Variants in NEXMIF observed in about 807,000 individuals in gnomAD.
The protein encoded by NEXMIF is neurite extension and migration factor.
A neutral mutation model predicts 62.1 loss-of-function variants in NEXMIF; 8 were observed. The observed-to-expected ratio is 0.13, with a 90% CI of 0.08 to 0.23. NEXMIF has a LOEUF of 0.23. NEXMIF is among the 10% of genes least tolerant of loss of function. The pLI is 1.00. For synonymous variants in NEXMIF, 404 were observed against 416.6 expected (o/e 0.97, Z 0.37); for missense variants, 976 against 1,113.3 (o/e 0.88, Z 1.75).
Position 74,892,714 on chromosome X carries a change from G to A in NEXMIF, c.-48+32169C>T, listed in dbSNP as rs529634482. On this transcript the variant is annotated intron_variant, in intron 1 of 3. Coordinates refer to ENST00000055682, the MANE Select transcript of NEXMIF (RefSeq NM_001008537.3). ...ATTTTAATGACAATAAATGTTGCAT[G>A]GGCACCATGAAGTGAGAAACATCAC... Among the ~76,000 whole-genome samples, 8 of 112,105 alleles carry A rather than the reference G, an allele frequency of 7.1e-5. No individual in the cohort carries two copies. The South Asian group carries it at 3.0e-3, about 42-fold the overall frequency.
intron 1 of NEXMIF, among the ~76,000 whole-genome samples, chrX:74,882,789 A>AAG (rs2080671395): frequency 8.9e-6 from 1 of 112,310 alleles, no homozygotes; most frequent in African/African-American, 3.2e-5. Flanking sequence ...GACAGCTTTG[A>AAG]AGAGAGTAGT....
chrX:74,740,839 C>T lies in NEXMIF; in HGVS notation c.3718G>A (p.Gly1240Ser), dbSNP rs1446465234. ...AAINGEKMQI[G>S]IGRGGSQTNT... ...GTTTGGCTTCCCCCACGGCCAATGC[C>T]AATTTGCATTTTCTCTCCATTGATG... Residue 1240 changes from glycine to serine, a missense_variant, in exon 3 of 4, where the codon GGC (glycine) becomes AGC (serine). This residue lies in a region of NEXMIF where 639 missense variants were observed against 694.5 expected (regional missense o/e 0.92). Transcript: ENST00000055682. 21 of 1,212,147 alleles carry T rather than the reference C, an allele frequency of 1.7e-5. No individual in the cohort carries two copies. Among genetic ancestry groups the T allele is most frequent in the Non-Finnish European group, 2.2e-5 (20 of 895,586 alleles).
At chrX:74,896,026 G>A (rs956443635) in intron 1 of NEXMIF, among the ~76,000 whole-genome samples, 1 of 111,053 alleles carries the variant, frequency 9.0e-6, no homozygotes, top group African/African-American at 3.3e-5. Context: ...GTTCAAATAA[G>A]TAAAAGCCTG....
At chrX:74,860,110 T>C (rs1408786088) in intron 1 of NEXMIF, among the ~76,000 whole-genome samples, 1 of 111,068 alleles carries the variant, frequency 9.0e-6, no homozygotes, top group African/African-American at 3.3e-5. Context: ...AATAAATTTT[T>C]AAAAAGGCCC....
At chrX:74,907,490 T>C (rs2080773228) in intron 1 of NEXMIF, among the ~76,000 whole-genome samples, 2 of 110,178 alleles carry the variant, frequency 1.8e-5, no homozygotes, top group South Asian at 7.9e-4. Context: ...ACTTAATTCC[T>C]CCACCTGGAA....
chrX:74,871,062 C>T (rs948894663), intron 1 of NEXMIF, among the ~76,000 whole-genome samples: 1 of 112,076 alleles, frequency 8.9e-6, no homozygotes, highest in East Asian at 2.8e-4. Context: ...GATTTGGATG[C>T]AACCTACCTG....
At chrX:74,793,420 AT>A (rs1385164311) in intron 1 of NEXMIF, among the ~76,000 whole-genome samples, 2 of 107,958 alleles carry the variant, frequency 1.9e-5, no homozygotes, top group Admixed American at 2.0e-4. Context: ...TTTTTCCTTC[AT>A]TTCAACTTTG....
intron 1 of NEXMIF, among the ~76,000 whole-genome samples, chrX:74,800,794 C>T (rs2080327411): frequency 9.1e-6 from 1 of 110,305 alleles, no homozygotes; most frequent in African/African-American, 3.3e-5. Flanking sequence ...TTCTTTTCCC[C>T]CACCCCAAAC....
intron 1 of NEXMIF, among the ~76,000 whole-genome samples, chrX:74,751,838 C>G (rs1264749150): frequency 1.0e-4 from 10 of 97,814 alleles, no homozygotes; most frequent in African/African-American, 3.7e-4. Flanking sequence ...TCCTTCCCTT[C>G]CTTCCCTCCT....
rs937978034 is a variant in NEXMIF, at chrX:74,735,346, A to T, written c.*4059T>A. Reference sequence around the variant, plus strand: ...CTGAGAGCATCTGTAAGCTGAAGACATGTTGGATCTACATCACACTGGTCC... The same window carrying T: ...CTGAGAGCATCTGTAAGCTGAAGACTTGTTGGATCTACATCACACTGGTCC... On this transcript the variant is annotated 3_prime_UTR_variant, in exon 4 of 4. Coordinates refer to ENST00000055682, the MANE Select transcript of NEXMIF (RefSeq NM_001008537.3). 9 of 111,846 alleles carry T rather than the reference A, an allele frequency of 8.0e-5. No individual in the cohort carries two copies. 9.2% of individuals were successfully genotyped at this position (111,846 alleles called of 1,213,427 possible).
In NEXMIF at chrX:74,890,302, A is replaced by G. The variant is rs367845783; in HGVS notation, c.-48+34581T>C. 7.2e-5 allele frequency among the ~76,000 whole-genome samples: 8 copies of G among 111,150 alleles called. No individual in the cohort carries two copies. In the East Asian group the frequency reaches 8.5e-4, roughly 12 times the overall value. Reference sequence around the variant, plus strand: ...GACAGTATTAAAACTGAATACCTATATACCTTTATTAATTAGGTACAACTT... The same window carrying G: ...GACAGTATTAAAACTGAATACCTATGTACCTTTATTAATTAGGTACAACTT... On this transcript the variant is annotated intron_variant, in intron 1 of 3. Transcript: ENST00000055682.
chrX:74,765,141 G>A (rs911548883), intron 1 of NEXMIF, among the ~76,000 whole-genome samples: 1 of 111,640 alleles, frequency 9.0e-6, no homozygotes, highest in African/African-American at 3.3e-5. Flanking sequence ...TACTAGTTAG[G>A]ACTTCTCGTT....
At chrX:74,919,629 TTTA>T (rs1299541794) in intron 1 of NEXMIF, among the ~76,000 whole-genome samples, 1 of 110,974 alleles carries the variant, frequency 9.0e-6, no homozygotes, top group Non-Finnish European at 1.9e-5. Flanking sequence ...GTTCTTTTTT[TTTA>T]TTATTATTAT....
chrX:74,849,420 G>A (rs1035151370), intron 1 of NEXMIF, among the ~76,000 whole-genome samples: 2 of 112,260 alleles, frequency 1.8e-5, no homozygotes, highest in Non-Finnish European at 3.8e-5. Context: ...CCTTCAAAGA[G>A]CCCATCCACC....
intron 1 of NEXMIF, among the ~76,000 whole-genome samples, chrX:74,869,000 A>T (rs747061463): frequency 6.3e-5 from 7 of 111,172 alleles, no homozygotes; most frequent in Non-Finnish European, 1.1e-4. Flanking sequence ...TATTACCCTG[A>T]TACCAAAACT....
chrX:74,762,973 A>G (rs2080182260), intron 1 of NEXMIF, among the ~76,000 whole-genome samples: 1 of 111,899 alleles, frequency 8.9e-6, no homozygotes, highest in Non-Finnish European at 1.9e-5. Context: ...TAGTTTAATT[A>G]GATACCATCT....
At chrX:74,894,399 T>C (rs2080726846) in intron 1 of NEXMIF, among the ~76,000 whole-genome samples, 2 of 112,120 alleles carry the variant, frequency 1.8e-5, no homozygotes, top group Admixed American at 9.5e-5. Flanking sequence ...CAAAGGATCA[T>C]TAGTAGCTAC....
At chrX:74,910,768 TC>T (rs2080786617) in intron 1 of NEXMIF, among the ~76,000 whole-genome samples, 1 of 111,100 alleles carries the variant, frequency 9.0e-6, no homozygotes, top group Non-Finnish European at 1.9e-5. Flanking sequence ...GGGGGCAGTT[TC>T]CCCCATACTG....
intron 1 of NEXMIF, among the ~76,000 whole-genome samples, chrX:74,868,395 G>C (rs1169258338): frequency 8.9e-6 from 1 of 111,918 alleles, no homozygotes; most frequent in African/African-American, 3.2e-5. Context: ...ATCAGTGATA[G>C]ACTGGATAAA....
Sources: allele counts gnomAD v4.1 joint callset (sites outside exome capture counted in the v4.1 genomes callset), GRCh38; gene constraint gnomAD v4.1.1; regional missense constraint gnomAD v4.1.1; transcripts MANE v1.5; gene names NCBI Gene and HGNC (gene_info 2026-07-23, HGNC 2026-07-21).